CCDC77: variants seen among roughly 807,000 people sequenced by gnomAD.
The protein encoded by CCDC77 is coiled-coil domain containing 77.
A neutral mutation model predicts 66.8 loss-of-function variants in CCDC77; 56 were observed. The observed-to-expected ratio is 0.84, with a 90% CI of 0.68 to 1.05. The LOEUF is 1.05. Among genes scored for constraint, CCDC77 ranks in the 50% least tolerant of loss-of-function variants. The pLI, the probability that CCDC77 is intolerant of heterozygous loss-of-function variation, is 0.00. For synonymous variants in CCDC77, 196 were observed against 195.2 expected (o/e 1.00, Z -0.03); for missense variants, 570 against 576.8 (o/e 0.99, Z 0.12).
At chr12:423,022 C>G (rs1945434392) in intron 5 of CCDC77, among the ~76,000 whole-genome samples, 1 of 151,360 alleles carries the variant, frequency 6.6e-6, no homozygotes, top group Admixed American at 6.6e-5. Context: ...AGTGTTTATA[C>G]CATTTTATAT....
chr12:394,509 C>T lies in CCDC77; in HGVS notation c.-113+5023C>T, dbSNP rs1268378676. 2.0e-5 allele frequency among the ~76,000 whole-genome samples: 3 copies of T among 152,192 alleles called. No individual in the cohort carries two copies. In the East Asian group the frequency reaches 5.8e-4, roughly 29 times the overall value. ...CACTGTTGCTTTTGTACCATCCATG[C>T]AAATGTCAAAGTGAACATGGCAAAT... On this transcript the variant is annotated intron_variant, in intron 1 of 11. Transcript: ENST00000422000.
At chr12:390,769 G>T (rs1247467678) in intron 1 of CCDC77, among the ~76,000 whole-genome samples, 2 of 139,536 alleles carry the variant, frequency 1.4e-5, no homozygotes, top group African/African-American at 6.1e-5. Flanking sequence ...ACATCTTATT[G>T]GTTCTGTTTC....
chr12:428,373 T>C (rs943217966), intron 5 of CCDC77, among the ~76,000 whole-genome samples: 2 of 151,628 alleles, frequency 1.3e-5, no homozygotes, highest in African/African-American at 2.4e-5. Context: ...TAGCCGGGCA[T>C]AGTGGCGGGC....
At chr12:396,405 A>T (rs1329340340) in intron 1 of CCDC77, among the ~76,000 whole-genome samples, 1 of 152,196 alleles carries the variant, frequency 6.6e-6, no homozygotes, top group Non-Finnish European at 1.5e-5. Context: ...AAAATAAATA[A>T]ATAAAAAAGG....
chr12:428,805 G>C lies in CCDC77; in HGVS notation c.450G>C (p.Leu150Phe). ...ACAAGAAAAAGATTCAGAATCTCTT[G>C]GCTCTTGTGGGAACAGATGCTGGAG... ...LEDKKKIQNLLALVGTDAGEV... is the reference protein window; with the variant it reads ...LEDKKKIQNLFALVGTDAGEV... Residue 150 changes from leucine to phenylalanine, a missense_variant, in exon 6 of 13, where the codon TTG becomes TTC. Transcript: ENST00000239830. 6.2e-7 allele frequency: 1 copy of C among 1,612,622 alleles called. No individual in the cohort carries two copies. The highest frequency in any genetic ancestry group is 8.5e-7 in the Non-Finnish European group (1 of 1,179,350).
At chr12:425,831 A>C (rs1210931025) in intron 5 of CCDC77, among the ~76,000 whole-genome samples, 1 of 152,068 alleles carries the variant, frequency 6.6e-6, no homozygotes, top group Non-Finnish European at 1.5e-5. Flanking sequence ...TCTGTGGAGT[A>C]GCCAGATCCA....
At chr12:412,144 C>T (rs2137550833) in intron 4 of CCDC77, among the ~76,000 whole-genome samples, 166 bp downstream of exon 4, 1 of 152,284 alleles carries the variant, frequency 6.6e-6, no homozygotes, top group African/African-American at 2.4e-5. Context: ...ATCATAACCC[C>T]CAAAACTGCC....
intron 10 of CCDC77, among the ~76,000 whole-genome samples, chr12:439,381 G>A (rs146869536): frequency 1.8e-3 from 269 of 151,166 alleles, no homozygotes; most frequent in African/African-American, 6.0e-3. Flanking sequence ...TTGGTGGGGC[G>A]TGGTGGTGGG....
Position 433,233 on chromosome 12 carries a change from A to C in CCDC77, c.732A>C (p.Glu244Asp). 3 of 1,614,074 alleles carry C rather than the reference A, an allele frequency of 1.9e-6. No homozygotes were observed. Among genetic ancestry groups the C allele is most frequent in the Non-Finnish European group, 2.5e-6 (3 of 1,179,998 alleles). The change falls in exon 9 of 13, where the codon GAA becomes GAC. Residue 244 changes from glutamate to aspartate, a missense_variant. Physicochemically the swap from Glu to Asp is conservative, Grantham distance 45. Coordinates refer to ENST00000239830, the MANE Select transcript of CCDC77 (RefSeq NM_032358.4). ...EQTKLSREQI[E>D]GLIEDRRIHL... ...CCAAACTTTCTCGAGAACAAATTGAAGGGCTCATCGAGGACAGACGGATTC... is the reference window on the plus strand; with the variant it reads ...CCAAACTTTCTCGAGAACAAATTGACGGGCTCATCGAGGACAGACGGATTC...
Position 428,840 on chromosome 12 carries a change from A to G in CCDC77, c.485A>G (p.Tyr162Cys), listed in dbSNP as rs1945587450. Reference sequence around the variant, plus strand: ...GGAACAGATGCTGGAGAAGTGACCTATTTTTGTAAGGAGCCTCCTCACAAA... The same window carrying G: ...GGAACAGATGCTGGAGAAGTGACCTGTTTTTGTAAGGAGCCTCCTCACAAA... ...LVGTDAGEVTYFCKEPPHKVT... is the reference protein window; with the variant it reads ...LVGTDAGEVTCFCKEPPHKVT... The change falls in exon 6 of 13, where the codon TAT becomes TGT. Residue 162 changes from tyrosine to cysteine, a missense_variant. Tyr to Cys is a radical substitution (Grantham distance 194). Coordinates refer to ENST00000239830, the MANE Select transcript of CCDC77 (RefSeq NM_032358.4). 1 of 1,612,134 alleles carries G rather than the reference A, an allele frequency of 6.2e-7. No individual in the cohort carries two copies. The highest frequency in any genetic ancestry group is 1.3e-5 in the African/African-American group (1 of 74,822).
chr12:438,515 T>C lies in CCDC77; in HGVS notation c.1002T>C (p.Val334=), dbSNP rs1945796410. The change falls in exon 10 of 13, where the codon GTT becomes GTC. Residue 334 remains valine, a synonymous_variant. Coordinates refer to ENST00000239830, the MANE Select transcript of CCDC77 (RefSeq NM_032358.4). ...KEDKIGKVLP[V]MHESHHAQSE... is the part of the protein sequence containing the mutation. ...ATAAAATTGGAAAAGTGTTGCCCGT[T>C]ATGCATGAGAGTCACCATGCTCAAA... 3 of 1,613,830 alleles carry C rather than the reference T, an allele frequency of 1.9e-6. No individual in the cohort carries two copies. The highest frequency in any genetic ancestry group is 1.3e-5 in the African/African-American group (1 of 74,926).
rs568772280 is a variant in CCDC77, at chr12:423,394, C to A, written c.413+4758C>A. On this transcript the variant is annotated intron_variant, in intron 5 of 12. Coordinates refer to ENST00000239830, the MANE Select transcript of CCDC77 (RefSeq NM_032358.4). ...AGCTCAAGCAATCCTCCTGCCTCAG[C>A]CTCCCAAAGTGCTGGGATTACAGGC... is the stretch of plus-strand genomic sequence containing the variant. Among the ~76,000 whole-genome samples the A allele has an allele frequency of 3.3e-3, 489 of 148,088 alleles. 1 individual carries two copies. The highest frequency in any genetic ancestry group is 0.011 in the African/African-American group (452 of 40,426).
At chr12:438,257 T>C (rs1209429166) in intron 9 of CCDC77, 78 bp from the exon 10 acceptor site, 1 of 1,003,104 alleles carries the variant, frequency 1.0e-6, no homozygotes, top group Non-Finnish European at 1.5e-6. Flanking sequence ...AACCACTCTC[T>C]TCCATTTTGG....
chr12:418,850 T>C lies in CCDC77; in HGVS notation c.413+214T>C, dbSNP rs1945336856. 9.8e-6 allele frequency: 5 copies of C among 508,150 alleles called. No individual in the cohort carries two copies. In the East Asian group the frequency reaches 1.7e-4, roughly 17 times the overall value. 31.5% of individuals were successfully genotyped at this position (508,150 alleles called of 1,614,324 possible). ...AGTAGCTGGGAACACAGGTGTGCAC[T>C]ACAAGGCCTAGCTCATTTTTGTATT... is the stretch of plus-strand genomic sequence containing the variant. On this transcript the variant is annotated intron_variant, in intron 5 of 12. Transcript: ENST00000239830.
intron 10 of CCDC77, among the ~76,000 whole-genome samples, chr12:439,648 C>T (rs773154821): frequency 1.8e-4 from 27 of 148,946 alleles, no homozygotes; most frequent in Non-Finnish European, 3.4e-4. Flanking sequence ...GGCGTGGTGG[C>T]GGACACCTGT....
chr12:418,760 C>T (rs1189627912), intron 5 of CCDC77, 124 bp downstream of exon 5: 4 of 1,077,158 alleles, frequency 3.7e-6, no homozygotes, highest in Admixed American at 2.2e-5. Context: ...AGTACAGTGG[C>T]GCTCTCTTGG....
intron 3 of CCDC77, 25 bp from the exon 4 acceptor site, chr12:411,722 A>C: frequency 6.3e-7 from 1 of 1,582,356 alleles, no homozygotes; most frequent in Non-Finnish European, 8.7e-7. Context: ...AGTGTGATGA[A>C]TATATCATTT....
Position 423,494 on chromosome 12 carries a change from G to GTT in CCDC77, c.413+4876_413+4877dup, listed in dbSNP as rs56233976. ...TGTTTTTTGTGTTTTTTTTTGTTTT[G>GTT]TTTTTTTTTTTTTTTTTTTGAGACA... On this transcript the variant is annotated intron_variant, in intron 5 of 12. Transcript: ENST00000239830. Among the ~76,000 whole-genome samples the GTT allele has an allele frequency of 1.4e-3, 48 of 35,402 alleles. 2 individuals carry two copies. Among genetic ancestry groups the GTT allele is most frequent in the East Asian group, 1.9e-3 (2 of 1,076 alleles). The allele number at this position is 35,402 out of a possible 152,430, so 23.2% of individuals were successfully genotyped here.
intron 5 of CCDC77, 115 bp downstream of exon 5, chr12:418,751 G>A: frequency 1.7e-6 from 2 of 1,153,338 alleles, no homozygotes; most frequent in South Asian, 1.5e-5. Flanking sequence ...CCAGGCTGGA[G>A]TACAGTGGCG....
Sources: gnomAD v4.1 joint callset for allele counts (sites outside exome capture counted in the v4.1 genomes callset) on GRCh38, gnomAD v4.1.1 for gene constraint, MANE v1.5 for transcripts, NCBI Gene and HGNC (gene_info 2026-07-23, HGNC 2026-07-21) for gene names.